The following NEO1 variants were observed in gnomAD, a reference collection of about 807,000 sequenced individuals.
NEO1 encodes neogenin.
Under a neutral mutation model 159.7 loss-of-function variants are expected in NEO1, and 63 were observed. That is an observed-to-expected ratio of 0.39 (90% CI 0.32 to 0.49). The LOEUF is 0.49. NEO1 is among the 20% of genes least tolerant of loss of function. The pLI is 0.85. For synonymous variants in NEO1, 633 were observed against 662.0 expected (o/e 0.96, Z 0.67); for missense variants, 1,615 against 1,831.0 (o/e 0.88, Z 2.15).
intron 12 of NEO1, among the ~76,000 whole-genome samples, chr15:73,253,873 T>C (rs1158295285): frequency 1.7e-4 from 26 of 152,162 alleles, no homozygotes; most frequent in Non-Finnish European, 1.0e-4. Context: ...AGATGAGCCA[T>C]GTGAATCAAA....
chr15:73,097,782 T>C (rs893779844), intron 1 of NEO1, among the ~76,000 whole-genome samples: 1 of 144,622 alleles, frequency 6.9e-6, no homozygotes, highest in Non-Finnish European at 1.5e-5. Context: ...TAGCCTTTTT[T>C]TTTTTTTTTT....
At chr15:73,246,273 G>A (rs938428025) in intron 9 of NEO1, among the ~76,000 whole-genome samples, 1 of 152,160 alleles carries the variant, frequency 6.6e-6, no homozygotes, top group African/African-American at 2.4e-5. Flanking sequence ...CATCATTTCA[G>A]TGACAGAGAT....
intron 1 of NEO1, among the ~76,000 whole-genome samples, chr15:73,078,827 A>G (rs1478042166): frequency 1.3e-5 from 2 of 152,196 alleles, no homozygotes; most frequent in Non-Finnish European, 2.9e-5. Flanking sequence ...TCATGTGTAA[A>G]GCACTGTGTG....
chr15:73,134,675 G>A (rs1187509636), intron 4 of NEO1, among the ~76,000 whole-genome samples: 1 of 151,490 alleles, frequency 6.6e-6, no homozygotes, highest in African/African-American at 2.4e-5. Flanking sequence ...CTCAGCCTCC[G>A]TGTAGCTGGG....
At position 73,100,437 on chromosome 15, in the gene NEO1, C is replaced by T. The variant is rs140684528; in HGVS notation, c.131-16103C>T. On this transcript the variant is annotated intron_variant, in intron 1 of 28. Transcript: ENST00000261908. ...GCACCCTGTGCCTCCCAGGTTCAAGCGATTCTCCTGCCTCAGCCTCTCAAG... is the reference window on the plus strand; with the variant it reads ...GCACCCTGTGCCTCCCAGGTTCAAGTGATTCTCCTGCCTCAGCCTCTCAAG... Among the ~76,000 whole-genome samples the T allele has an allele frequency of 4.7e-3, 709 of 151,864 alleles. 4 individuals carry two copies. Among genetic ancestry groups the T allele is most frequent in the African/African-American group, 0.015 (636 of 41,400 alleles).
chr15:73,127,311 C>A (rs1251829408), intron 4 of NEO1, among the ~76,000 whole-genome samples: 1 of 151,934 alleles, frequency 6.6e-6, no homozygotes, highest in Non-Finnish European at 1.5e-5. Context: ...AATTCTTCAT[C>A]TTTCACAAAA....
rs372729948 is a variant in NEO1 at position 73,055,251 on chromosome 15, A to G, written c.130+2446A>G. Among the ~76,000 whole-genome samples, 6 of 152,300 alleles carry G rather than the reference A, an allele frequency of 3.9e-5. No individual in the cohort carries two copies. The East Asian group carries it at 9.6e-4, about 24-fold the overall frequency. ...CATGTCTTCTCTATTTAGAGTGAACATTCTTCACCGAGGACTCTGTAGCTT... is the reference window on the plus strand; with the variant it reads ...CATGTCTTCTCTATTTAGAGTGAACGTTCTTCACCGAGGACTCTGTAGCTT... On this transcript the variant is annotated intron_variant, in intron 1 of 28. Transcript: ENST00000261908.
At chr15:73,209,840 C>CA (rs925118946) in intron 7 of NEO1, among the ~76,000 whole-genome samples, 14 of 151,572 alleles carry the variant, frequency 9.2e-5, no homozygotes, top group South Asian at 6.3e-4. Flanking sequence ...AAAAAACAAA[C>CA]AAAAAAAAGC....
chr15:73,301,351 C>T lies in NEO1; in HGVS notation c.4196C>T (p.Thr1399Ile), dbSNP rs565960016. The T allele has an allele frequency of 6.2e-7, 1 of 1,614,204 alleles. No individual in the cohort carries two copies. Among genetic ancestry groups the T allele is most frequent in the South Asian group, 1.1e-5 (1 of 91,076 alleles). The change falls in exon 28 of 29, where the codon ACA becomes ATA. Residue 1399 changes from threonine (T) to isoleucine (I), a missense_variant. Around this residue, in one of 3 missense-constraint regions of NEO1, gnomAD observed 471 missense variants for 498.9 expected, o/e 0.94. Transcript: ENST00000261908. Reference protein sequence around the residue: ...ALNHHIHSVKTASIGTLGRSR... With the variant: ...ALNHHIHSVKIASIGTLGRSR... ...AACCATCACATTCACTCAGTGAAGA[C>T]AGCCTCCATCGGGACTCTAGGAAGG...
chr15:73,297,866 A>G (rs2042439605), intron 26 of NEO1, among the ~76,000 whole-genome samples: 1 of 152,206 alleles, frequency 6.6e-6, no homozygotes, highest in Non-Finnish European at 1.5e-5. Flanking sequence ...CCCTGGAGGC[A>G]CGAAGGCCTG....
At chr15:73,153,006 A>G (rs571829093) in intron 5 of NEO1, among the ~76,000 whole-genome samples, 2 of 152,266 alleles carry the variant, frequency 1.3e-5, no homozygotes, top group South Asian at 2.1e-4. Context: ...GTTTCTGGAG[A>G]CCTGAGAAAG....
At chr15:73,053,588 C>T (rs2067565347) in intron 1 of NEO1, among the ~76,000 whole-genome samples, 1 of 152,176 alleles carries the variant, frequency 6.6e-6, no homozygotes, top group Admixed American at 6.5e-5. Context: ...AAACATTGAA[C>T]CTCAAAAGCC....
At chr15:73,224,320 G>A (rs1270328571) in intron 7 of NEO1, among the ~76,000 whole-genome samples, 1 of 152,142 alleles carries the variant, frequency 6.6e-6, no homozygotes, top group African/African-American at 2.4e-5. Flanking sequence ...AATTTCCCAG[G>A]TGTTTTTTGT....
At chr15:73,268,328 A>G (rs2041011037) in intron 16 of NEO1, among the ~76,000 whole-genome samples, 1 of 152,244 alleles carries the variant, frequency 6.6e-6, no homozygotes, top group South Asian at 2.1e-4. Context: ...TTAAAAATAT[A>G]GCCTACTAGC....
intron 5 of NEO1, among the ~76,000 whole-genome samples, chr15:73,158,226 T>TTACAA (rs2033922679): frequency 6.7e-6 from 1 of 150,090 alleles, no homozygotes; most frequent in Admixed American, 6.6e-5. Context: ...TTTTTTTTTT[T>TTACAA]TTTTTTTACA....
chr15:73,126,097 T>C (rs1304012418), intron 3 of NEO1, among the ~76,000 whole-genome samples: 1 of 152,224 alleles, frequency 6.6e-6, no homozygotes, highest in Non-Finnish European at 1.5e-5. Context: ...GCTTTGCACA[T>C]AGAATTTATT....
chr15:73,194,652 A>T (rs2036433018), intron 7 of NEO1, among the ~76,000 whole-genome samples: 1 of 152,060 alleles, frequency 6.6e-6, no homozygotes, highest in African/African-American at 2.4e-5. Context: ...CACTAGGCTG[A>T]CCCTCCAAAT....
At chr15:73,206,601 G>A (rs2037241648) in intron 7 of NEO1, among the ~76,000 whole-genome samples, 1 of 151,946 alleles carries the variant, frequency 6.6e-6, no homozygotes, top group South Asian at 2.1e-4. Flanking sequence ...TGTTGTTGTT[G>A]TTGTTTTGTT....
chr15:73,274,749 T>C (rs755544662), intron 21 of NEO1, 25 bp downstream of exon 21: 3 of 1,603,042 alleles, frequency 1.9e-6, no homozygotes, highest in Admixed American at 3.4e-5. Flanking sequence ...GGCCTCTCTT[T>C]TCTTTCCTTT....
Sources: allele counts gnomAD v4.1 joint callset (sites outside exome capture counted in the v4.1 genomes callset), GRCh38; gene constraint gnomAD v4.1.1; regional missense constraint gnomAD v4.1.1; transcripts MANE v1.5; gene names NCBI Gene and HGNC (gene_info 2026-07-23, HGNC 2026-07-21).